The following KCNIP4 variants were observed in gnomAD, a reference collection of about 807,000 sequenced individuals.
KCNIP4 encodes the protein Kv channel-interacting protein 4.
In KCNIP4, 12 loss-of-function variants were observed where a neutral mutation model predicts 34.0. The ratio of observed to expected loss-of-function variants is 0.35; its 90% CI spans 0.23 to 0.57. The LOEUF (loss-of-function observed/expected upper bound fraction) is 0.57. Among genes scored for constraint, KCNIP4 ranks in the 20% least tolerant of loss-of-function variants. KCNIP4 has a pLI of 0.83. For missense variants in KCNIP4, 238 were observed against 311.7 expected (o/e 0.76, Z 1.78); for synonymous variants, 124 against 102.2 (o/e 1.21, Z -1.29).
At chr4:21,019,823 A>G (rs1018401510) in intron 1 of KCNIP4, among the ~76,000 whole-genome samples, 2 of 152,206 alleles carry the variant, frequency 1.3e-5, no homozygotes, top group African/African-American at 4.8e-5. Flanking sequence ...TCTCACAGCT[A>G]TATAAAGTAG....
At chr4:21,211,784 C>T (rs1757241580) in intron 1 of KCNIP4, among the ~76,000 whole-genome samples, 1 of 151,996 alleles carries the variant, frequency 6.6e-6, no homozygotes, top group African/African-American at 2.4e-5. Flanking sequence ...ATCCGGTTTA[C>T]AGGTGAAGAA....
chr4:21,450,772 C>T (rs1237625411), intron 1 of KCNIP4, among the ~76,000 whole-genome samples: 1 of 152,208 alleles, frequency 6.6e-6, no homozygotes, highest in South Asian at 2.1e-4. Context: ...TTTCCCTTGC[C>T]TATCTATGGA....
chr4:21,721,132 G>T (rs1714798277), intron 1 of KCNIP4, among the ~76,000 whole-genome samples: 1 of 152,146 alleles, frequency 6.6e-6, no homozygotes, highest in Non-Finnish European at 1.5e-5. Flanking sequence ...TGTTCAGTGA[G>T]CTAACTCCAA....
intron 1 of KCNIP4, among the ~76,000 whole-genome samples, chr4:20,900,635 G>A (rs993323128): frequency 6.6e-6 from 1 of 152,152 alleles, no homozygotes; most frequent in Non-Finnish European, 1.5e-5. Context: ...AGACAAGCAC[G>A]TTCAGAAAAG....
intron 1 of KCNIP4, among the ~76,000 whole-genome samples, chr4:21,935,720 A>G (rs930776436): frequency 1.6e-4 from 25 of 151,992 alleles, no homozygotes; most frequent in African/African-American, 5.8e-4. Context: ...TCTCATCCTC[A>G]TGATTAAAGA....
intron 1 of KCNIP4, among the ~76,000 whole-genome samples, chr4:21,212,052 C>T (rs1757257335): frequency 1.3e-5 from 2 of 152,174 alleles, no homozygotes; most frequent in African/African-American, 2.4e-5. Context: ...TGGCAGCATG[C>T]CTGTTCCATA....
chr4:20,901,649 G>T (rs577341732), intron 1 of KCNIP4, among the ~76,000 whole-genome samples: 2 of 152,226 alleles, frequency 1.3e-5, no homozygotes, highest in East Asian at 3.9e-4. Flanking sequence ...TGATACATAG[G>T]TTAAAGTTAT....
At chr4:20,803,468 A>C (rs1714613445) in intron 3 of KCNIP4, among the ~76,000 whole-genome samples, 1 of 81,742 alleles carries the variant, frequency 1.2e-5, no homozygotes, top group Non-Finnish European at 2.2e-5. Flanking sequence ...CCTCATCTTT[A>C]CCAAAAAAAA....
chr4:21,390,401 G>T (rs931845683), intron 1 of KCNIP4, among the ~76,000 whole-genome samples: 4 of 152,118 alleles, frequency 2.6e-5, no homozygotes, highest in Non-Finnish European at 5.9e-5. Context: ...CAATGGTATT[G>T]CCTAGGTTTT....
chr4:20,750,161 C>G (rs971368240), intron 4 of KCNIP4, among the ~76,000 whole-genome samples: 1 of 152,180 alleles, frequency 6.6e-6, no homozygotes, highest in African/African-American at 2.4e-5. Flanking sequence ...ATTATTAGAA[C>G]TTTCATCATT....
chr4:20,729,220 C>CATTACTA lies in KCNIP4; in HGVS notation c.*855_*861dup, dbSNP rs1747071159. ...GCTGTTAGGATTACTTGTTATTAAG[C>CATTACTA]ATTACTATATACTGGAGGATAGATA... On this transcript the variant is annotated 3_prime_UTR_variant, in exon 9 of 9. Transcript: ENST00000382152. The CATTACTA allele has an allele frequency of 1.3e-5, 2 of 151,628 alleles. No homozygotes were observed. The highest frequency in any genetic ancestry group is 2.9e-5 in the Non-Finnish European group (2 of 67,920). 9.4% of individuals were successfully genotyped at this position (151,628 alleles called of 1,614,324 possible).
chr4:20,966,468 A>G (rs924354706), intron 1 of KCNIP4, among the ~76,000 whole-genome samples: 4 of 152,184 alleles, frequency 2.6e-5, no homozygotes, highest in Admixed American at 6.5e-5. Flanking sequence ...AAATAAAAAA[A>G]GAACACTTAG....
chr4:20,946,305 A>G (rs1472062749), intron 1 of KCNIP4, among the ~76,000 whole-genome samples: 1 of 152,218 alleles, frequency 6.6e-6, no homozygotes, highest in Non-Finnish European at 1.5e-5. Flanking sequence ...TAAGGAGAAG[A>G]AGCCATGTGT....
chr4:20,883,966 C>T lies in KCNIP4; in HGVS notation c.62-1257G>A, dbSNP rs569151105. On this transcript the variant is annotated intron_variant, in intron 1 of 8. Coordinates refer to ENST00000382152, the MANE Select transcript of KCNIP4 (RefSeq NM_025221.6). ...TCTGAGTCTCTGGCAGCATTTGCAGCCACTCTCTCTGCTTTCTGGGCCATC... is the reference window on the plus strand; with the variant it reads ...TCTGAGTCTCTGGCAGCATTTGCAGTCACTCTCTCTGCTTTCTGGGCCATC... 2.6e-5 allele frequency among the ~76,000 whole-genome samples: 4 copies of T among 152,280 alleles called. No individual in the cohort carries two copies. The East Asian group carries it at 7.7e-4, about 29-fold the overall frequency.
chr4:21,109,782 T>A (rs1748986990), intron 1 of KCNIP4, among the ~76,000 whole-genome samples: 1 of 152,198 alleles, frequency 6.6e-6, no homozygotes, highest in South Asian at 2.1e-4. Context: ...AAATATAATT[T>A]TTCCTACCAT....
chr4:20,733,497 T>A (rs193115363), intron 6 of KCNIP4, among the ~76,000 whole-genome samples: 1 of 152,308 alleles, frequency 6.6e-6, no homozygotes, highest in Admixed American at 6.5e-5. Context: ...AGAGCGAATA[T>A]ATATTTACTT....
intron 3 of KCNIP4, among the ~76,000 whole-genome samples, chr4:20,832,143 T>C (rs1479719743): frequency 6.6e-6 from 1 of 152,210 alleles, no homozygotes; most frequent in Non-Finnish European, 1.5e-5. Context: ...AATTATGCTA[T>C]TTACTTTCTT....
chr4:21,384,065 A>T (rs1185600007), intron 1 of KCNIP4, among the ~76,000 whole-genome samples: 2 of 152,006 alleles, frequency 1.3e-5, no homozygotes, highest in African/African-American at 2.4e-5. Flanking sequence ...ACAGCCTTGT[A>T]CTTGTTCTTC....
chr4:20,880,502 C>A (rs1274563224), intron 2 of KCNIP4, among the ~76,000 whole-genome samples: 4 of 152,174 alleles, frequency 2.6e-5, no homozygotes, highest in African/African-American at 9.6e-5. Flanking sequence ...TCAAAACATC[C>A]TTTTCCCTCA....
Sources: allele counts gnomAD v4.1 joint callset (sites outside exome capture counted in the v4.1 genomes callset), GRCh38; gene constraint gnomAD v4.1.1; transcripts MANE v1.5; gene names NCBI Gene and HGNC (gene_info 2026-07-23, HGNC 2026-07-21).